Variants in BZW2 observed in about 807,000 individuals in gnomAD.
The protein encoded by BZW2 is basic leucine zipper and W2 domains 2, also known as eIF5-mimic protein 1.
In BZW2, 23 loss-of-function variants were observed where a neutral mutation model predicts 53.2. The ratio of observed to expected loss-of-function variants is 0.43; its 90% confidence interval spans 0.31 to 0.61. The LOEUF is 0.61. Ranked by LOEUF, BZW2 falls within the 20% of genes least tolerant of loss-of-function variation. The probability of loss-of-function intolerance (pLI) is 0.09; values close to 1 mark genes in which losing one functional copy is unlikely to be tolerated. For missense variants in BZW2, 409 were observed against 503.1 expected, an observed-to-expected ratio of 0.81 and a Z score of 1.79; for synonymous variants, 227 against 186.4, an observed-to-expected ratio of 1.22 and a Z score of -1.77.
At position 16,685,900 on chromosome 7, in the gene BZW2, C is replaced by T. The variant is rs1375102864; in HGVS notation, c.406-5C>T. On this transcript the variant is annotated splice_polypyrimidine_tract_variant and splice_region_variant and intron_variant, in intron 5 of 11. Transcript: ENST00000258761. ...TCTTTTTTTTTTTTTTTTTTTGACCCACAGCTTCTCCTCTTCCTTAAAGCC... is the reference window on the plus strand; with the variant it reads ...TCTTTTTTTTTTTTTTTTTTTGACCTACAGCTTCTCCTCTTCCTTAAAGCC... The T allele has an allele frequency of 7.0e-7, 1 of 1,436,148 alleles. No individual in the cohort carries two copies. Among genetic ancestry groups the T allele is most frequent in the Admixed American group, 2.6e-5 (1 of 38,138 alleles). The allele number at this position is 1,436,148 out of a possible 1,614,324, so 89.0% of individuals were successfully genotyped here. A position where few individuals can be genotyped will look rare whatever the true frequency, so the allele number is the denominator to read the frequency against.
At chr7:16,659,135 A>C (rs888819754) in intron 1 of BZW2, among the ~76,000 whole-genome samples, 3 of 151,982 alleles carry the variant, frequency 2.0e-5, no homozygotes, top group African/African-American at 4.8e-5. Flanking sequence ...TCTCCTCAAA[A>C]ATGTATATAT....
chr7:16,649,486 T>C (rs537428572), intron 1 of BZW2, among the ~76,000 whole-genome samples: 1 of 152,326 alleles, frequency 6.6e-6, no homozygotes, highest in East Asian at 1.9e-4. Context: ...AGAAAAATTG[T>C]TCTTGTGCAC....
intron 7 of BZW2, among the ~76,000 whole-genome samples, chr7:16,694,331 T>A (rs1783412584): frequency 6.6e-6 from 1 of 152,162 alleles, no homozygotes; most frequent in South Asian, 2.1e-4. Context: ...TCTTAACAGT[T>A]ATGGAGGCTA....
chr7:16,697,492 A>G (rs1452733513), intron 9 of BZW2, among the ~76,000 whole-genome samples: 1 of 152,202 alleles, frequency 6.6e-6, no homozygotes, highest in Non-Finnish European at 1.5e-5. Context: ...GTTTGCACCC[A>G]GCGTTCATGA....
rs535730423 is a variant in BZW2, at chr7:16,665,358, C to T, written c.-7-79C>T. Reference sequence around the variant, plus strand: ...TAATGAGTGAGGTTGAACATATGTTCAACCAAACTTATTGGCCATATGTTT... The same window carrying T: ...TAATGAGTGAGGTTGAACATATGTTTAACCAAACTTATTGGCCATATGTTT... On this transcript the variant is annotated intron_variant, in intron 1 of 11. Transcript: ENST00000258761. 9 of 1,546,382 alleles carry T rather than the reference C, an allele frequency of 5.8e-6. No homozygotes were observed. In the East Asian group the frequency reaches 1.8e-4, roughly 31 times the overall value.
At chr7:16,660,531 A>G (rs751571759) in intron 1 of BZW2, among the ~76,000 whole-genome samples, 1 of 152,008 alleles carries the variant, frequency 6.6e-6, no homozygotes, top group Non-Finnish European at 1.5e-5. Flanking sequence ...AAATTTGTGC[A>G]GACTACTCTT....
At chr7:16,693,397 T>C (rs1172612008) in intron 7 of BZW2, among the ~76,000 whole-genome samples, 1 of 152,222 alleles carries the variant, frequency 6.6e-6, no homozygotes, top group Admixed American at 6.5e-5. Context: ...ACGAGTGATA[T>C]GTTTAATGGC....
rs550967493 is a variant in BZW2, at chr7:16,666,261, C to G, written c.58+760C>G. On this transcript the variant is annotated intron_variant, in intron 2 of 11. Transcript: ENST00000258761. ...AGGTGCACACCACCACACCTGGCTACGTTTTAAAAAAATTTTTTTGTAGAG... is the reference window on the plus strand; with the variant it reads ...AGGTGCACACCACCACACCTGGCTAGGTTTTAAAAAAATTTTTTTGTAGAG... 2.6e-5 allele frequency among the ~76,000 whole-genome samples: 4 copies of G among 151,346 alleles called. No individual in the cohort carries two copies. The South Asian group carries it at 8.4e-4, about 32-fold the overall frequency.
chr7:16,668,907 C>G (rs1490085198), intron 2 of BZW2, among the ~76,000 whole-genome samples: 1 of 152,096 alleles, frequency 6.6e-6, no homozygotes, highest in Admixed American at 6.5e-5. Context: ...TTTCCTGTGA[C>G]TTGTGAAAAT....
intron 10 of BZW2, among the ~76,000 whole-genome samples, chr7:16,698,966 C>G (rs1464448692): frequency 4.6e-5 from 7 of 152,122 alleles, no homozygotes; most frequent in East Asian, 1.9e-4. Flanking sequence ...TTTATTTTCC[C>G]TTTCATGTGT....
intron 1 of BZW2, among the ~76,000 whole-genome samples, chr7:16,661,493 A>C (rs1368057582): frequency 6.6e-6 from 1 of 152,154 alleles, no homozygotes; most frequent in Non-Finnish European, 1.5e-5. Flanking sequence ...TAGGACAGTT[A>C]GAAGATTAAC....
intron 10 of BZW2, among the ~76,000 whole-genome samples, chr7:16,703,061 G>A (rs752759591): frequency 2.0e-5 from 3 of 152,088 alleles, no homozygotes; most frequent in East Asian, 1.9e-4. Context: ...ACAATAACAG[G>A]TCACTTCCTC....
At chr7:16,683,313 A>G (rs1391428479) in intron 5 of BZW2, among the ~76,000 whole-genome samples, 2 of 152,256 alleles carry the variant, frequency 1.3e-5, no homozygotes, top group African/African-American at 4.8e-5. Flanking sequence ...GTAAATAAGT[A>G]TGAAAGATCA....
At chr7:16,675,741 C>T (rs1011353744) in intron 3 of BZW2, among the ~76,000 whole-genome samples, 3 of 152,180 alleles carry the variant, frequency 2.0e-5, no homozygotes, top group African/African-American at 7.2e-5. Flanking sequence ...AATCCCATTA[C>T]CCGGGAAAAA....
chr7:16,677,951 C>T (rs1782817403), intron 3 of BZW2, among the ~76,000 whole-genome samples: 1 of 152,146 alleles, frequency 6.6e-6, no homozygotes, highest in Admixed American at 6.5e-5. Flanking sequence ...AGCTATGCAA[C>T]ACCAGATGTC....
chr7:16,665,441 T>C lies in BZW2; in HGVS notation c.-3T>C. The C allele has an allele frequency of 1.2e-6, 2 of 1,614,156 alleles. No individual in the cohort carries two copies. Among genetic ancestry groups the C allele is most frequent in the Non-Finnish European group, 1.7e-6 (2 of 1,180,028 alleles). On this transcript the variant is annotated 5_prime_UTR_variant, in exon 2 of 12. Coordinates refer to ENST00000258761, the MANE Select transcript of BZW2 (RefSeq NM_014038.3). ...CTTTATTTTCTTTGTTTTCAGAAATTTTATGAATAAGCATCAGAAGCCAGT... is the reference window on the plus strand; with the variant it reads ...CTTTATTTTCTTTGTTTTCAGAAATCTTATGAATAAGCATCAGAAGCCAGT...
chr7:16,701,321 T>TA, intron 10 of BZW2, among the ~76,000 whole-genome samples: 1 of 152,204 alleles, frequency 6.6e-6, no homozygotes, highest in Admixed American at 6.5e-5. Flanking sequence ...CTAAAATGTG[T>TA]AAAACTACCT....
chr7:16,682,721 A>G lies in BZW2; in HGVS notation c.340-59A>G, dbSNP rs149560698. 7.0e-4 allele frequency: 770 copies of G among 1,107,340 alleles called. 7 individuals carry two copies. The African/African-American group carries it at 0.012, about 17-fold the overall frequency. The allele number at this position is 1,107,340 out of a possible 1,614,324, so 68.6% of individuals were successfully genotyped here. On this transcript the variant is annotated intron_variant, in intron 4 of 11. Coordinates refer to ENST00000258761, the MANE Select transcript of BZW2 (RefSeq NM_014038.3). Reference sequence around the variant, plus strand: ...TATGGTGTCATTATAGTGAGTTTCTATTACCTACTTCTGTGTCTTTTTGGT... The same window carrying G: ...TATGGTGTCATTATAGTGAGTTTCTGTTACCTACTTCTGTGTCTTTTTGGT...
chr7:16,673,137 G>A (rs1318737205), intron 2 of BZW2, among the ~76,000 whole-genome samples: 4 of 151,976 alleles, frequency 2.6e-5, no homozygotes, highest in Admixed American at 2.0e-4. Context: ...TAGTAGAGAC[G>A]GGGTTTCACC....
Sources: gnomAD v4.1 joint callset for allele counts (sites outside exome capture counted in the v4.1 genomes callset) on GRCh38, gnomAD v4.1.1 for gene constraint, MANE v1.5 for transcripts, NCBI Gene and HGNC (gene_info 2026-07-23, HGNC 2026-07-21) for gene names.